The following SPOCK3 variants were observed in gnomAD, a reference collection of about 807,000 sequenced individuals.
The protein encoded by SPOCK3 is SPARC (osteonectin), cwcv and kazal like domains proteoglycan 3.
SPOCK3 carries 30 observed loss-of-function variants against 56.6 expected under a neutral mutation model. That is an observed-to-expected ratio of 0.53 (90% CI 0.40 to 0.72). SPOCK3 has a LOEUF of 0.72. Ranked by LOEUF, SPOCK3 falls within the 30% of genes least tolerant of loss-of-function variation. The pLI is 0.00. For missense variants in SPOCK3, 527 were observed against 530.0 expected (o/e 0.99, Z 0.06); for synonymous variants, 196 against 183.3 (o/e 1.07, Z -0.56).
intron 4 of SPOCK3, among the ~76,000 whole-genome samples, chr4:166,940,986 AAAT>A (rs1354324650): frequency 2.0e-5 from 3 of 151,424 alleles, no homozygotes; most frequent in African/African-American, 7.3e-5. Context: ...CTAATTTTCC[AAAT>A]ATTATTTTTC....
intron 2 of SPOCK3, among the ~76,000 whole-genome samples, chr4:167,099,799 C>T (rs1319962835): frequency 6.6e-6 from 1 of 151,942 alleles, no homozygotes; most frequent in African/African-American, 2.4e-5. Flanking sequence ...GTAATTTTTC[C>T]TTTTCTCTGC....
At chr4:166,774,365 C>T (rs554497362) in intron 7 of SPOCK3, among the ~76,000 whole-genome samples, 6 of 152,216 alleles carry the variant, frequency 3.9e-5, no homozygotes, top group African/African-American at 1.2e-4. Flanking sequence ...TTTTCATACC[C>T]CTAGATACCT....
At chr4:166,943,372 G>T (rs1741340614) in intron 4 of SPOCK3, among the ~76,000 whole-genome samples, 1 of 152,120 alleles carries the variant, frequency 6.6e-6, no homozygotes, top group Admixed American at 6.6e-5. Context: ...CATATCTTCT[G>T]CAGGCATAAA....
chr4:166,891,428 C>G (rs1041909276), intron 5 of SPOCK3, among the ~76,000 whole-genome samples: 53 of 151,968 alleles, frequency 3.5e-4, no homozygotes, highest in African/African-American at 1.3e-3. Flanking sequence ...TCAAGTGACT[C>G]CTTAATGGAC....
Position 167,193,305 on chromosome 4 carries a change from T to C in SPOCK3, c.189+40680A>G, listed in dbSNP as rs1247856531. Among the ~76,000 whole-genome samples, 5 of 145,986 alleles carry C rather than the reference T, an allele frequency of 3.4e-5. 1 individual carries two copies. The highest frequency in any genetic ancestry group is 7.5e-5 in the Non-Finnish European group (5 of 66,988). On this transcript the variant is annotated intron_variant, in intron 2 of 10. Transcript: ENST00000357545. Reference sequence around the variant, plus strand: ...ACATATCTGTTCGAGGTTTGTGCTTTGTTAGTACCATGAGGTTTACATAAA... The same window carrying C: ...ACATATCTGTTCGAGGTTTGTGCTTCGTTAGTACCATGAGGTTTACATAAA...
chr4:167,018,620 G>A (rs62352380), intron 3 of SPOCK3, among the ~76,000 whole-genome samples: 15,857 of 152,006 alleles, frequency 0.1, 968 homozygotes, highest in East Asian at 0.17. Flanking sequence ...TCCTTCAGAG[G>A]ATATCTGACT....
At position 166,989,845 on chromosome 4, in the gene SPOCK3, A is replaced by G. The variant is rs1454145112; in HGVS notation, c.350+10504T>C. Among the ~76,000 whole-genome samples the G allele has an allele frequency of 2.0e-5, 3 of 152,158 alleles. No individual in the cohort carries two copies. The East Asian group carries it at 5.8e-4, about 29-fold the overall frequency. On this transcript the variant is annotated intron_variant, in intron 4 of 10. Coordinates refer to ENST00000357545, the MANE Select transcript of SPOCK3 (RefSeq NM_001040159.2). Reference sequence around the variant, plus strand: ...TATTTTTCTTTCATATAATAGGCCAATGAGGCTATTTCTTGGATGATCATT... The same window carrying G: ...TATTTTTCTTTCATATAATAGGCCAGTGAGGCTATTTCTTGGATGATCATT...
At chr4:167,180,528 A>T (rs1169982035) in intron 2 of SPOCK3, among the ~76,000 whole-genome samples, 1 of 152,238 alleles carries the variant, frequency 6.6e-6, no homozygotes, top group African/African-American at 2.4e-5. Context: ...GTTTCTATAA[A>T]TATGTAAATA....
intron 7 of SPOCK3, among the ~76,000 whole-genome samples, chr4:166,786,097 C>A (rs1037034409): frequency 6.6e-6 from 1 of 152,010 alleles, no homozygotes. Flanking sequence ...GGTGAATGCT[C>A]TGGGGTGCTG....
At chr4:167,077,365 A>G (rs531643647) in intron 2 of SPOCK3, among the ~76,000 whole-genome samples, 1 of 151,848 alleles carries the variant, frequency 6.6e-6, no homozygotes, top group African/African-American at 2.4e-5. Flanking sequence ...TAACAGAAAA[A>G]AAAGCTATAG....
At position 167,006,014 on chromosome 4, in the gene SPOCK3, T is replaced by G. The variant is rs190000075; in HGVS notation, c.236-5551A>C. On this transcript the variant is annotated intron_variant, in intron 3 of 10. Transcript: ENST00000357545. Reference sequence around the variant, plus strand: ...TTTTACAATATGAAAATTTCAAAATTCTATACACATCCGTTCTAAGCATTT... The same window carrying G: ...TTTTACAATATGAAAATTTCAAAATGCTATACACATCCGTTCTAAGCATTT... Among the ~76,000 whole-genome samples, 433 of 152,268 alleles carry G rather than the reference T, an allele frequency of 2.8e-3. 2 individuals are homozygous for G. The highest frequency in any genetic ancestry group is 0.01 in the African/African-American group (416 of 41,564).
At chr4:166,738,393 A>G (rs931088263) in intron 9 of SPOCK3, among the ~76,000 whole-genome samples, 2 of 147,460 alleles carry the variant, frequency 1.4e-5, no homozygotes, top group Non-Finnish European at 3.0e-5. Flanking sequence ...TATTGGGAAT[A>G]GTAGAACAGA....
At chr4:167,111,071 G>T (rs1760862283) in intron 2 of SPOCK3, among the ~76,000 whole-genome samples, 2 of 151,810 alleles carry the variant, frequency 1.3e-5, no homozygotes, top group South Asian at 4.1e-4. Context: ...AATAATTGAT[G>T]TGTTATTTAT....
intron 2 of SPOCK3, among the ~76,000 whole-genome samples, chr4:167,167,455 C>T (rs1172515956): frequency 6.6e-6 from 1 of 152,104 alleles, no homozygotes; most frequent in African/African-American, 2.4e-5. Flanking sequence ...GTGTAATTAC[C>T]TTGAGTCAAA....
Position 167,090,508 on chromosome 4 carries a change from AT to A in SPOCK3, c.190-27972del, listed in dbSNP as rs200671125. On this transcript the variant is annotated intron_variant, in intron 2 of 10. Coordinates refer to ENST00000357545, the MANE Select transcript of SPOCK3 (RefSeq NM_001040159.2). ...AGGCAACAGTAGTAGATATGGATTT[AT>A]TTTTTTTTTTTGAGACAGAGTTTTG... Among the ~76,000 whole-genome samples, 1,012 of 145,350 alleles carry A rather than the reference AT, an allele frequency of 7.0e-3. 11 individuals are homozygous for A. The highest frequency in any genetic ancestry group is 0.022 in the African/African-American group (884 of 40,132).
chr4:166,941,296 G>C (rs1238151160), intron 4 of SPOCK3, among the ~76,000 whole-genome samples: 1 of 152,162 alleles, frequency 6.6e-6, no homozygotes, highest in Non-Finnish European at 1.5e-5. Flanking sequence ...TTTCCGTCAT[G>C]ATTTTGTCCT....
chr4:166,979,516 A>G (rs1746349233), intron 4 of SPOCK3, among the ~76,000 whole-genome samples: 1 of 152,152 alleles, frequency 6.6e-6, no homozygotes, highest in Non-Finnish European at 1.5e-5. Context: ...CAGATTGCCA[A>G]ATTCAATGGT....
At chr4:167,188,311 C>A (rs1011790831) in intron 2 of SPOCK3, among the ~76,000 whole-genome samples, 1 of 145,600 alleles carries the variant, frequency 6.9e-6, no homozygotes, top group Non-Finnish European at 1.5e-5. Context: ...TATACATTTA[C>A]TCACAAAATC....
At chr4:166,913,146 T>G (rs372558320) in intron 4 of SPOCK3, among the ~76,000 whole-genome samples, 3 of 152,142 alleles carry the variant, frequency 2.0e-5, no homozygotes, top group African/African-American at 7.2e-5. Context: ...TCTAATCCAC[T>G]GGGTGCCTAA....
Sources: allele counts gnomAD v4.1 joint callset (sites outside exome capture counted in the v4.1 genomes callset), GRCh38; gene constraint gnomAD v4.1.1; transcripts MANE v1.5; gene names NCBI Gene and HGNC (gene_info 2026-07-23, HGNC 2026-07-21).